Variants in TMED3 observed in about 807,000 individuals in gnomAD.
TMED3 encodes transmembrane p24 trafficking protein 3.
TMED3 carries 9 observed loss-of-function variants against 15.0 expected under a neutral mutation model. The observed-to-expected ratio is 0.60, with a 90% CI of 0.36 to 1.04. TMED3 has a LOEUF of 1.04. Ranked by LOEUF, TMED3 falls within the 50% of genes least tolerant of loss-of-function variation. The pLI is 0.01. For missense variants in TMED3, 267 were observed against 278.9 expected (o/e 0.96, Z 0.30); for synonymous variants, 117 against 121.4 (o/e 0.96, Z 0.24).
chr15:79,369,810 C>T (rs1446600487), intron 2 of TMED3, among the ~76,000 whole-genome samples: 1 of 152,210 alleles, frequency 6.6e-6, no homozygotes, highest in Non-Finnish European at 1.5e-5. Flanking sequence ...CAGGCCAGCT[C>T]CTGGCTGTCA....
chr15:79,355,633 C>G lies in TMED3; in HGVS notation c.417+41628C>G, dbSNP rs2058915956. Among the ~76,000 whole-genome samples, 4 of 152,132 alleles carry G rather than the reference C, an allele frequency of 2.6e-5. No homozygotes were observed. In the South Asian group the frequency reaches 8.3e-4, roughly 32 times the overall value. On this transcript the variant is annotated intron_variant, in intron 2 of 2. Transcript: ENST00000424155. The stretch of plus-strand genomic sequence containing the variant: ...TTGGCTTGGCAAATACACTGCAACC[C>G]TCAGCAAAAGGACAGATTTGAGGGT...
intron 2 of TMED3, among the ~76,000 whole-genome samples, chr15:79,343,320 T>C (rs148975779): frequency 2.2e-4 from 34 of 152,308 alleles, no homozygotes; most frequent in African/African-American, 8.2e-4. Flanking sequence ...TTGGTGCCTG[T>C]TAACAACTAA....
chr15:79,344,976 G>A (rs1390125943), intron 2 of TMED3, among the ~76,000 whole-genome samples: 1 of 152,074 alleles, frequency 6.6e-6, no homozygotes, highest in Non-Finnish European at 1.5e-5. Context: ...CAGCATATGG[G>A]AATTTAATGG....
At chr15:79,320,702 A>G (rs1008508099) in intron 2 of TMED3, among the ~76,000 whole-genome samples, 1 of 152,188 alleles carries the variant, frequency 6.6e-6, no homozygotes, top group African/African-American at 2.4e-5. Flanking sequence ...TAAGAACTCA[A>G]CGTTTTCCCA....
At chr15:79,405,831 G>A (rs757127221) in intron 2 of TMED3, among the ~76,000 whole-genome samples, 33 of 152,212 alleles carry the variant, frequency 2.2e-4, no homozygotes, top group Non-Finnish European at 3.8e-4. Context: ...GAGAGCAAAA[G>A]CATTAACATT....
intron 2 of TMED3, among the ~76,000 whole-genome samples, chr15:79,395,154 CTG>C (rs1280973314): frequency 1.3e-5 from 2 of 152,046 alleles, no homozygotes; most frequent in African/African-American, 4.8e-5. Context: ...GATTTGGAAA[CTG>C]TAGATGATGT....
chr15:79,324,714 G>T (rs765038238), downstream of TMED3, among the ~76,000 whole-genome samples: 9 of 152,134 alleles, frequency 5.9e-5, no homozygotes, highest in Non-Finnish European at 1.0e-4. Context: ...TTAAGCAAAA[G>T]AAATAGGAGA....
At chr15:79,385,017 G>C (rs1354692319) in intron 2 of TMED3, among the ~76,000 whole-genome samples, 1 of 152,220 alleles carries the variant, frequency 6.6e-6, no homozygotes, top group South Asian at 2.1e-4. Context: ...CTTAACCATG[G>C]AGAATGAAGA....
At chr15:79,312,436 G>A (rs1429108192) in intron 1 of TMED3, among the ~76,000 whole-genome samples, 2 of 152,170 alleles carry the variant, frequency 1.3e-5, no homozygotes, top group Non-Finnish European at 2.9e-5. Context: ...GATGTCATCT[G>A]GTCACTGCCA....
At chr15:79,361,298 T>A (rs1224684603) in intron 2 of TMED3, among the ~76,000 whole-genome samples, 1 of 152,270 alleles carries the variant, frequency 6.6e-6, no homozygotes, top group African/African-American at 2.4e-5. Context: ...TGATAAAACT[T>A]ATCTCATATG....
intron 2 of TMED3, among the ~76,000 whole-genome samples, chr15:79,366,225 C>T (rs1893231586): frequency 1.3e-5 from 2 of 152,190 alleles, no homozygotes; most frequent in South Asian, 4.1e-4. Context: ...GTTATCAGTA[C>T]TGTACACAGC....
At position 79,401,382 on chromosome 15, in the gene TMED3, T is replaced by C. The variant is rs188113146; in HGVS notation, c.418-10018T>C. Among the ~76,000 whole-genome samples, 609 of 152,260 alleles carry C rather than the reference T, an allele frequency of 4.0e-3. 4 individuals carry two copies. The highest frequency in any genetic ancestry group is 0.014 in the African/African-American group (581 of 41,542). On this transcript the variant is annotated intron_variant, in intron 2 of 2. Coordinates refer to the TMED3 transcript ENST00000424155. ...GTATTTTCTTTACAGGAGTGTGAGATAGATGACAGAGAGTGCATAGGAGGA... is the reference window on the plus strand; with the variant it reads ...GTATTTTCTTTACAGGAGTGTGAGACAGATGACAGAGAGTGCATAGGAGGA...
At position 79,311,171 on chromosome 15, in the gene TMED3, C is replaced by T. The variant is rs2058710590; in HGVS notation, c.-79C>T. 4.1e-6 allele frequency: 6 copies of T among 1,472,230 alleles called. No individual in the cohort carries two copies. Among genetic ancestry groups the T allele is most frequent in the Non-Finnish European group, 2.7e-6 (3 of 1,106,850 alleles). The allele number at this position is 1,472,230 out of a possible 1,614,324, so 91.2% of individuals were successfully genotyped here. On this transcript the variant is annotated 5_prime_UTR_variant, in exon 1 of 3. Coordinates refer to ENST00000299705, the MANE Select transcript of TMED3 (RefSeq NM_007364.4). Reference sequence around the variant, plus strand: ...TCTATCCCCTTACATCCTCCTAGGACCCGGTCGGTAGTCGTCGCCCCAGCC... The same window carrying T: ...TCTATCCCCTTACATCCTCCTAGGATCCGGTCGGTAGTCGTCGCCCCAGCC...
At chr15:79,382,695 C>T (rs1893556882) in intron 2 of TMED3, among the ~76,000 whole-genome samples, 1 of 152,160 alleles carries the variant, frequency 6.6e-6, no homozygotes, top group East Asian at 1.9e-4. Flanking sequence ...AACCTTAATC[C>T]CTTTCTCTAT....
rs2058729605 is a variant in TMED3 at position 79,313,992 on chromosome 15, C to T, written c.404C>T (p.Thr135Ile). ...PILPDMGNRV[T>I]ALTQMESACV... is the part of the protein sequence containing the mutation. Reference sequence around the variant, plus strand: ...CTCCCAGACATGGGGAACAGGGTCACAGCTCTCACCCAGGTGAGTGAACAT... The same window carrying T: ...CTCCCAGACATGGGGAACAGGGTCATAGCTCTCACCCAGGTGAGTGAACAT... Residue 135 changes from threonine (T) to isoleucine (I), a missense_variant, in exon 2 of 3, where the codon ACA becomes ATA. This residue lies in a region of TMED3 where 139 missense variants were observed against 125.0 expected (regional missense o/e 1.11). Transcript: ENST00000299705. 4 of 1,614,088 alleles carry T rather than the reference C, an allele frequency of 2.5e-6. No homozygotes were observed. The highest frequency in any genetic ancestry group is 1.3e-5 in the African/African-American group (1 of 74,938).
downstream of TMED3, among the ~76,000 whole-genome samples, chr15:79,324,233 C>T (rs1030027922): frequency 2.4e-4 from 36 of 152,318 alleles, no homozygotes; most frequent in African/African-American, 7.7e-4. Context: ...CCTCGTGATC[C>T]GCCCGCCTCG....
At chr15:79,327,752 ACTT>A (rs141063951), downstream of TMED3, among the ~76,000 whole-genome samples, 2,098 of 152,306 alleles carry the variant, frequency 0.014, 47 homozygotes, top group African/African-American at 0.048. Flanking sequence ...CATTCTTGCT[ACTT>A]CTTGTTGGAA....
At chr15:79,370,061 A>C (rs1893307570) in intron 2 of TMED3, among the ~76,000 whole-genome samples, 1 of 152,072 alleles carries the variant, frequency 6.6e-6, no homozygotes, top group East Asian at 1.9e-4. Context: ...CCCTGTAGGG[A>C]ATGTCTGGTG....
At chr15:79,313,717 G>A in intron 1 of TMED3, 40 bp from the exon 2 acceptor site, 2 of 1,593,664 alleles carry the variant, frequency 1.3e-6, no homozygotes, top group Non-Finnish European at 8.6e-7. Flanking sequence ...GTAAGTGGTG[G>A]TTGCTCCTTT....
Sources: allele counts gnomAD v4.1 joint callset (sites outside exome capture counted in the v4.1 genomes callset), GRCh38; gene constraint gnomAD v4.1.1; regional missense constraint gnomAD v4.1.1; transcripts MANE v1.5; gene names NCBI Gene and HGNC (gene_info 2026-07-23, HGNC 2026-07-21).